LIFR: variants seen among roughly 807,000 people sequenced by gnomAD.
LIFR encodes the protein LIF receptor subunit alpha.
In LIFR, 84 loss-of-function variants were observed where a neutral mutation model predicts 122.2. That is an observed-to-expected ratio of 0.69 (90% CI 0.58 to 0.82). The LOEUF (loss-of-function observed/expected upper bound fraction) is 0.82, where lower values mean the gene tolerates loss of function less well. Ranked by LOEUF, LIFR falls within the 40% of genes least tolerant of loss-of-function variation. LIFR has a pLI of 0.00. For synonymous variants in LIFR, 422 were observed against 434.7 expected, an observed-to-expected ratio of 0.97 and a Z score of 0.36; for missense variants, 1,294 against 1,311.6, an observed-to-expected ratio of 0.99 and a Z score of 0.21.
chr5:38,504,367 A>C lies in LIFR; in HGVS notation c.1292-246T>G, dbSNP rs1399009745. On this transcript the variant is annotated intron_variant, in intron 9 of 19. Transcript: ENST00000453190. ...TCAGGAATACTCAAAGGTAGTTAAGATCACAGTATCTACCTTTAAGGAACT... is the reference window on the plus strand; with the variant it reads ...TCAGGAATACTCAAAGGTAGTTAAGCTCACAGTATCTACCTTTAAGGAACT... Among the ~76,000 whole-genome samples, 3 of 148,350 alleles carry C rather than the reference A, an allele frequency of 2.0e-5. No homozygotes were observed. The East Asian group carries it at 5.9e-4, about 29-fold the overall frequency.
intron 5 of LIFR, among the ~76,000 whole-genome samples, chr5:38,521,475 TA>T (rs1221816776): frequency 1.3e-5 from 2 of 152,166 alleles, no homozygotes; most frequent in African/African-American, 4.8e-5. Context: ...AAGAGTGGCG[TA>T]AGTGGTCCAG....
At position 38,562,406 on chromosome 5, in the gene LIFR, T is replaced by TA; in HGVS notation, c.-19-31741dup. Among the ~76,000 whole-genome samples the TA allele has an allele frequency of 2.0e-5, 3 of 152,350 alleles. No individual in the cohort carries two copies. The East Asian group carries it at 5.8e-4, about 29-fold the overall frequency. On this transcript the variant is annotated intron_variant, in intron 1 of 19. Coordinates refer to the LIFR transcript ENST00000263409. ...CCCCTTATTCTTATATTCTTATTCT[T>TA]AGCTGTTGACCAGAGTCATTTAGGG...
chr5:38,490,101 A>G (rs1473018507), intron 15 of LIFR, 89 bp downstream of exon 15: 1 of 493,630 alleles, frequency 2.0e-6, no homozygotes, highest in African/African-American at 2.0e-5. Flanking sequence ...TATACATCTT[A>G]TTTTTAGAAT....
At chr5:38,566,674 A>G (rs1749035105) in intron 1 of LIFR, among the ~76,000 whole-genome samples, 1 of 152,164 alleles carries the variant, frequency 6.6e-6, no homozygotes, top group African/African-American at 2.4e-5. Flanking sequence ...ATGTAATGTA[A>G]TAATATAATA....
At chr5:38,572,514 A>G (rs954128095) in intron 1 of LIFR, among the ~76,000 whole-genome samples, 2 of 152,178 alleles carry the variant, frequency 1.3e-5, no homozygotes, top group Non-Finnish European at 2.9e-5. Flanking sequence ...GATCCAAACT[A>G]TTGATTTGAA....
chr5:38,517,872 A>G (rs1229851896), intron 5 of LIFR, among the ~76,000 whole-genome samples: 1 of 142,610 alleles, frequency 7.0e-6, no homozygotes, highest in African/African-American at 2.6e-5. Context: ...AAAAAAAAAA[A>G]AAAAAAAAAG....
chr5:38,584,724 A>G (rs1749692417), intron 1 of LIFR, among the ~76,000 whole-genome samples: 1 of 152,174 alleles, frequency 6.6e-6, no homozygotes, highest in African/African-American at 2.4e-5. Context: ...AAATAGGGAG[A>G]TGTAGGTCAA....
At chr5:38,513,509 G>C (rs1052504299) in intron 5 of LIFR, among the ~76,000 whole-genome samples, 1 of 152,200 alleles carries the variant, frequency 6.6e-6, no homozygotes, top group African/African-American at 2.4e-5. Context: ...AAGTAAAACA[G>C]AATATCTTTG....
At chr5:38,583,733 G>A (rs896611657) in intron 1 of LIFR, among the ~76,000 whole-genome samples, 1 of 152,154 alleles carries the variant, frequency 6.6e-6, no homozygotes, top group African/African-American at 2.4e-5. Flanking sequence ...CATTGATATG[G>A]TTTGACTGTG....
intron 11 of LIFR, 66 bp from the exon 12 acceptor site, chr5:38,499,649 T>G (rs1035722892): frequency 1.1e-5 from 12 of 1,093,040 alleles, no homozygotes; most frequent in Non-Finnish European, 1.7e-5. Context: ...GCTTGGCATT[T>G]TTTTTCTAGG....
chr5:38,481,601 G>T lies in LIFR; in HGVS notation c.3288C>A (p.Asn1096Lys), dbSNP rs3729751. ...AAGTGACACGGTGACACTGTTAATCGTTTGGTTTGTTCTGAAAAAAGTTTG... is the reference window on the plus strand; with the variant it reads ...AAGTGACACGGTGACACTGTTAATCTTTTGGTTTGTTCTGAAAAAAGTTTG... ...SFTNFFQNKP[N>K]D Residue 1096 changes from asparagine (N) to lysine (K), a missense_variant, in exon 20 of 20, where the codon AAC becomes AAA. By Grantham distance (94) the Asn-to-Lys change is moderately conservative. Transcript: ENST00000453190. The T allele has an allele frequency of 1.9e-3, 3,039 of 1,614,062 alleles. 4 individuals carry two copies. Among genetic ancestry groups the T allele is most frequent in the Non-Finnish European group, 2.3e-3 (2,716 of 1,179,948 alleles).
chr5:38,516,906 A>G (rs929989452), intron 5 of LIFR, among the ~76,000 whole-genome samples: 3 of 152,196 alleles, frequency 2.0e-5, no homozygotes, highest in Non-Finnish European at 4.4e-5. Flanking sequence ...TGTCCTTTGC[A>G]GGGACATGAA....
rs913917924 is a variant in LIFR, at chr5:38,554,788, G to T, written c.-20+1546C>A. On this transcript the variant is annotated intron_variant, in intron 1 of 19. Transcript: ENST00000453190. The stretch of plus-strand genomic sequence containing the variant: ...ATACTCCGTATCTTTTATATCTATT[G>T]AATCTTCTCCAGTGTGAATAGATTA... Among the ~76,000 whole-genome samples the T allele has an allele frequency of 3.0e-4, 45 of 152,286 alleles. 1 individual carries two copies. The highest frequency in any genetic ancestry group is 1.0e-3 in the African/African-American group (43 of 41,560).
intron 17 of LIFR, 87 bp downstream of exon 17, chr5:38,485,732 C>G: frequency 2.1e-6 from 3 of 1,441,440 alleles, no homozygotes; most frequent in South Asian, 1.2e-5. Flanking sequence ...TTAGAAAGGG[C>G]GGGGAGGGGT....
In LIFR at chr5:38,505,790, TTAAG is replaced by T. The variant is rs749394740; in HGVS notation, c.1291+111_1291+114del. ...ATAAATAAAATTTATGAAATTAATA[TTAAG>T]TAACTATAAAGAAAATAATCAGCAA... On this transcript the variant is annotated intron_variant, in intron 9 of 19. Transcript: ENST00000453190. 8.8e-4 allele frequency: 389 copies of T among 440,076 alleles called. 1 individual carries two copies. Among genetic ancestry groups the T allele is most frequent in the Non-Finnish European group, 1.3e-3 (336 of 253,128 alleles). The allele number at this position is 440,076 out of a possible 1,614,324, so 27.3% of individuals were successfully genotyped here.
chr5:38,596,877 T>C (rs1561234632), upstream of LIFR, among the ~76,000 whole-genome samples: 1 of 151,680 alleles, frequency 6.6e-6, no homozygotes, highest in East Asian at 1.9e-4. Flanking sequence ...CAAAATCAGC[T>C]CCTTTCTTTG....
chr5:38,532,448 T>C (rs531423101), intron 1 of LIFR, among the ~76,000 whole-genome samples: 1 of 152,304 alleles, frequency 6.6e-6, no homozygotes, highest in East Asian at 1.9e-4. Flanking sequence ...TAATATTCCA[T>C]TCCTGCTGGC....
At chr5:38,508,807 A>T (rs1046560361) in intron 7 of LIFR, among the ~76,000 whole-genome samples, 4 of 151,648 alleles carry the variant, frequency 2.6e-5, no homozygotes, top group Non-Finnish European at 5.9e-5. Context: ...GATGGTCTCG[A>T]TCTCCTGACC....
At chr5:38,605,080 G>A (rs1322464434) in intron 2 of LIFR, among the ~76,000 whole-genome samples, 1 of 152,108 alleles carries the variant, frequency 6.6e-6, no homozygotes, top group East Asian at 1.9e-4. Context: ...AGGCCTCCGA[G>A]AGAATAGACT....
Sources: allele counts gnomAD v4.1 joint callset (sites outside exome capture counted in the v4.1 genomes callset), GRCh38; gene constraint gnomAD v4.1.1; transcripts MANE v1.5; gene names NCBI Gene and HGNC (gene_info 2026-07-23, HGNC 2026-07-21).